The following COG8 variants were observed in gnomAD, a reference collection of about 807,000 sequenced individuals.
The protein encoded by COG8 is component of oligomeric golgi complex 8.
Under a neutral mutation model 46.5 loss-of-function variants are expected in COG8, and 45 were observed. The ratio of observed to expected loss-of-function variants is 0.97; its 90% CI spans 0.76 to 1.24. The LOEUF (loss-of-function observed/expected upper bound fraction) is 1.24, where lower values mean the gene tolerates loss of function less well. COG8 is among the 50% of genes most tolerant of loss of function. The pLI, the probability that COG8 is intolerant of heterozygous loss-of-function variation, is 0.00. For missense variants in COG8, 793 were observed against 820.8 expected (o/e 0.97, Z 0.41); for synonymous variants, 407 against 347.8 (o/e 1.17, Z -1.90).
Position 69,332,853 on chromosome 16 carries a change from G to T in COG8, c.1443C>A (p.Arg481=). The T allele has an allele frequency of 6.2e-7, 1 of 1,614,230 alleles. No homozygotes were observed. The highest frequency in any genetic ancestry group is 8.5e-7 in the Non-Finnish European group (1 of 1,180,036). ...CGCTGCTGAAGGCAGCCTCTTCAGCGCGATGGAAGGCCAGGATTATTTTAG... is the reference window on the plus strand; with the variant it reads ...CGCTGCTGAAGGCAGCCTCTTCAGCTCGATGGAAGGCCAGGATTATTTTAG... ...KVTKIILAFH[R]AEEAAFSSGE... The change falls in exon 4 of 6, where the codon CGC becomes CGA. Residue 481 remains arginine, a synonymous_variant. Coordinates refer to ENST00000306875, the MANE Select transcript of COG8 (RefSeq NM_032382.5).
At chr16:69,331,931 C>T (rs1258725939) in intron 4 of COG8, among the ~76,000 whole-genome samples, 1 of 152,158 alleles carries the variant, frequency 6.6e-6, no homozygotes, top group African/African-American at 2.4e-5. Flanking sequence ...TCAGGCAGCA[C>T]CAGGGAAAAA....
chr16:69,334,871 A>ACAGCC lies in COG8; in HGVS notation c.1058_1062dup (p.Ser355GlyfsTer42). 1.9e-6 allele frequency: 3 copies of ACAGCC among 1,614,194 alleles called. No individual in the cohort carries two copies. Among genetic ancestry groups the ACAGCC allele is most frequent in the Non-Finnish European group, 2.5e-6 (3 of 1,180,036 alleles). On this transcript the variant is annotated frameshift_variant, in exon 3 of 6. Transcript: ENST00000306875. LOFTEE classifies it high-confidence loss of function. ...AAATCAGCTCCCACCCGGCTGAAGG[A>ACAGCC]CAGCCCAAAGTACATGCACTGGCCC...
Position 69,331,218 on chromosome 16 carries a change from A to AG in COG8, c.1583-124dup, listed in dbSNP as rs540188221. On this transcript the variant is annotated intron_variant, in intron 4 of 5. Transcript: ENST00000306875. ...ATCCCAGCACTTTGGGAGGCCGGGG[A>AG]GGGGGGGGCGGATCACCTGAGGTCA... The AG allele has an allele frequency of 1.7e-3, 1,557 of 913,434 alleles. 11 individuals carry two copies. The highest frequency in any genetic ancestry group is 0.017 in the African/African-American group (1,015 of 60,108). 56.6% of individuals were successfully genotyped at this position (913,434 alleles called of 1,614,324 possible).
chr16:69,330,065 G>C, intron 5 of COG8: 1 of 1,560,460 alleles, frequency 6.4e-7, no homozygotes, highest in South Asian at 1.2e-5. Context: ...GCAGCCCTCG[G>C]GAAAGGTGAC....
chr16:69,339,169 G>T lies in COG8; in HGVS notation c.377+7C>A. The T allele has an allele frequency of 6.2e-7, 1 of 1,612,898 alleles. No individual in the cohort carries two copies. Among genetic ancestry groups the T allele is most frequent in the African/African-American group, 1.3e-5 (1 of 75,056 alleles). ...ATAAAACCCCTTTAGCGCCAGGCGC[G>T]TCGCACCTGCAGCTCTGCTGGAAGC... is the stretch of plus-strand genomic sequence containing the variant. On this transcript the variant is annotated splice_region_variant and intron_variant, in intron 1 of 5. Coordinates refer to ENST00000306875, the MANE Select transcript of COG8 (RefSeq NM_032382.5).
At chr16:69,330,678 C>A in intron 5 of COG8, 135 bp downstream of exon 5, 2 of 1,396,816 alleles carry the variant, frequency 1.4e-6, no homozygotes, top group Non-Finnish European at 1.9e-6. Context: ...GGATCCCCGC[C>A]TTCCTGCTTA....
Position 69,328,966 on chromosome 16 carries a change from A to C in COG8, c.*240T>G. On this transcript the variant is annotated 3_prime_UTR_variant, in exon 6 of 6. Coordinates refer to ENST00000306875, the MANE Select transcript of COG8 (RefSeq NM_032382.5). ...ATGCCAAGTAAGATTTGCCCAGCTC[A>C]AAGTGAAAGTGTTTGCGTCTTGGTA... 1.9e-6 allele frequency: 3 copies of C among 1,570,232 alleles called. No individual in the cohort carries two copies. Among genetic ancestry groups the C allele is most frequent in the Non-Finnish European group, 2.6e-6 (3 of 1,167,684 alleles).
At chr16:69,335,382 G>C in intron 2 of COG8, 34 bp from the exon 3 acceptor site, 2 of 1,519,274 alleles carry the variant, frequency 1.3e-6, no homozygotes, top group Non-Finnish European at 8.9e-7. Flanking sequence ...CACTGCGCTG[G>C]GAAGGATGCT....
At chr16:69,336,812 A>C (rs1597225563) in intron 1 of COG8, 100 bp from the exon 2 acceptor site, 1 of 1,043,604 alleles carries the variant, frequency 9.6e-7, no homozygotes, top group Non-Finnish European at 1.5e-6. Flanking sequence ...TGGATGATCT[A>C]TCTGATTTAT....
At chr16:69,331,170 G>T (rs2011801210) in intron 4 of COG8, 75 bp from the exon 5 acceptor site, 1 of 1,540,428 alleles carries the variant, frequency 6.5e-7, no homozygotes. Flanking sequence ...AAGGGAGGCC[G>T]GGCGCGGTGG....
chr16:69,329,441 G>A (rs1209357288), intron 5 of COG8, among the ~76,000 whole-genome samples: 1 of 152,216 alleles, frequency 6.6e-6, no homozygotes, highest in Non-Finnish European at 1.5e-5. Context: ...TTTCTACGGT[G>A]CGACCCTTCC....
chr16:69,339,174 A>G lies in COG8; in HGVS notation c.377+2T>C. On this transcript the variant is annotated splice_donor_variant, in intron 1 of 5. Transcript: ENST00000306875. LOFTEE classifies it high-confidence loss of function. Reference sequence around the variant, plus strand: ...ACCCCTTTAGCGCCAGGCGCGTCGCACCTGCAGCTCTGCTGGAAGCTGGGC... The same window carrying G: ...ACCCCTTTAGCGCCAGGCGCGTCGCGCCTGCAGCTCTGCTGGAAGCTGGGC... 6.2e-7 allele frequency: 1 copy of G among 1,612,902 alleles called. No homozygotes were observed. Among genetic ancestry groups the G allele is most frequent in the Non-Finnish European group, 8.5e-7 (1 of 1,179,882 alleles).
At chr16:69,333,446 G>A (rs1221680238) in intron 3 of COG8, among the ~76,000 whole-genome samples, 3 of 152,178 alleles carry the variant, frequency 2.0e-5, no homozygotes, top group Non-Finnish European at 4.4e-5. Context: ...GGCATTACAG[G>A]CGTGAGCCAC....
Position 69,335,065 on chromosome 16 carries a change from C to T in COG8, c.869G>A (p.Arg290His), listed in dbSNP as rs770448116. The change falls in exon 3 of 6, where the codon CGT (arginine) becomes CAT (histidine). Residue 290 changes from arginine to histidine, a missense_variant. Coordinates refer to ENST00000306875, the MANE Select transcript of COG8 (RefSeq NM_032382.5). ...VHLFDIITQY[R>H]AIFSDEDPLL... is the part of the protein sequence containing the mutation. The stretch of plus-strand genomic sequence containing the variant: ...TGGGTCCTCGTCTGAGAAGATGGCA[C>T]GGTACTGGGTGATGATATCAAAGAG... 16 of 1,614,042 alleles carry T rather than the reference C, an allele frequency of 9.9e-6. No individual in the cohort carries two copies. The highest frequency in any genetic ancestry group is 1.2e-5 in the Non-Finnish European group (14 of 1,180,048).
In COG8 at chr16:69,330,906, G is replaced by A. The variant is rs1235879885; in HGVS notation, c.1772C>T (p.Ala591Val). 10 of 1,553,348 alleles carry A rather than the reference G, an allele frequency of 6.4e-6. No individual in the cohort carries two copies. In the East Asian group the frequency reaches 1.9e-4, roughly 30 times the overall value. Residue 591 changes from alanine to valine, a missense_variant, in exon 5 of 6, where the codon GCG (alanine) becomes GTG (valine). By Grantham distance (64) the Ala-to-Val change is moderately conservative (BLOSUM62 0). Transcript: ENST00000306875. ...PPAEEPRLEP[A>V]GPACPEGGRA... ...CCCTCCCTCCGGGCAGGCTGGGCCC[G>A]CGGGCTCCAGGCGTGGCTCCTCGGC...
rs1057521994 is a variant in COG8, at chr16:69,339,402, G to A, written c.151C>T (p.Arg51Trp). ...RERPDVGRYL[R>W]ELSGSGLERL... ...TCCAGCCCCGAGCCGCTCAACTCCC[G>A]GAGGTAGCGGCCCACATCGGGCCGC... is the stretch of plus-strand genomic sequence containing the variant. Residue 51 changes from arginine (R) to tryptophan (W), a missense_variant, in exon 1 of 6, where the codon CGG becomes TGG. Arg to Trp is a moderately radical substitution (Grantham distance 101, BLOSUM62 -3). Transcript: ENST00000306875. 66 of 1,584,362 alleles carry A rather than the reference G, an allele frequency of 4.2e-5. No individual in the cohort carries two copies. The highest frequency in any genetic ancestry group is 6.7e-5 in the African/African-American group (5 of 74,454).
Position 69,338,743 on chromosome 16 carries a change from G to A in COG8, c.377+433C>T, listed in dbSNP as rs144753183. 2.7e-3 allele frequency among the ~76,000 whole-genome samples: 409 copies of A among 152,288 alleles called. 16 individuals carry two copies. The East Asian group carries it at 0.07, about 26-fold the overall frequency. ...AGTGGATTATGCCTGTAATCCCAGC[G>A]CTTTGGGAGGCCGAGGCGGACAGAT... On this transcript the variant is annotated intron_variant, in intron 1 of 5. Transcript: ENST00000306875.
In COG8 at chr16:69,327,003, GC is replaced by G. The variant is rs1376251964; in HGVS notation, c.*2202del. 1 of 152,044 alleles carries G rather than the reference GC, an allele frequency of 6.6e-6. No homozygotes were observed. Among genetic ancestry groups the G allele is most frequent in the Non-Finnish European group, 1.5e-5 (1 of 68,004 alleles). The allele number at this position is 152,044 out of a possible 1,614,324, so 9.4% of individuals were successfully genotyped here. On this transcript the variant is annotated 3_prime_UTR_variant, in exon 6 of 6. Coordinates refer to ENST00000306875, the MANE Select transcript of COG8 (RefSeq NM_032382.5). ...TAAGAAGCATCAAAAGATTGCCATAGCCCCCTGTAAGAGCTTCTGAACATTG... is the reference window on the plus strand; with the variant it reads ...TAAGAAGCATCAAAAGATTGCCATAGCCCCTGTAAGAGCTTCTGAACATTG...
rs570120515 is a variant in COG8, at chr16:69,327,425, C to T, written c.*1781G>A. On this transcript the variant is annotated 3_prime_UTR_variant, in exon 6 of 6. Coordinates refer to ENST00000306875, the MANE Select transcript of COG8 (RefSeq NM_032382.5). ...TCAGGTGATCTGCCTGCCTTGACCT[C>T]CCAAAGTGCTGGGATTACAGGCATG... 1 of 152,150 alleles carries T rather than the reference C, an allele frequency of 6.6e-6. No homozygotes were observed. The highest frequency in any genetic ancestry group is 1.9e-4 in the East Asian group (1 of 5,174). The allele number at this position is 152,150 out of a possible 1,614,324, so 9.4% of individuals were successfully genotyped here.
Sources: allele counts gnomAD v4.1 joint callset (sites outside exome capture counted in the v4.1 genomes callset), GRCh38; gene constraint gnomAD v4.1.1; transcripts MANE v1.5; gene names NCBI Gene and HGNC (gene_info 2026-07-23, HGNC 2026-07-21).